Variants in KCNB2 observed in about 807,000 individuals in gnomAD.
The protein encoded by KCNB2 is delayed rectifier potassium channel protein.
Under a neutral mutation model 61.5 loss-of-function variants are expected in KCNB2, and 15 were observed. The ratio of observed to expected loss-of-function variants is 0.24; its 90% CI spans 0.16 to 0.38. KCNB2 has a LOEUF of 0.38. KCNB2 is among the 10% of genes least tolerant of loss of function. The pLI is 1.00. For missense variants in KCNB2, 828 were observed against 1,125.2 expected, an observed-to-expected ratio of 0.74 and a Z score of 3.78; for synonymous variants, 457 against 446.0, an observed-to-expected ratio of 1.02 and a Z score of -0.31.
intron 2 of KCNB2, among the ~76,000 whole-genome samples, chr8:72,592,953 G>A (rs763952222): frequency 1.8e-4 from 27 of 152,272 alleles, no homozygotes; most frequent in Non-Finnish European, 3.4e-4. Flanking sequence ...GCATTTATAA[G>A]AGAATCTAAG....
At chr8:72,927,486 G>A (rs1282870460) in intron 2 of KCNB2, among the ~76,000 whole-genome samples, 2 of 152,110 alleles carry the variant, frequency 1.3e-5, no homozygotes, top group Non-Finnish European at 2.9e-5. Context: ...GGTCAGGCTG[G>A]TCTTGAACTC....
At chr8:72,817,070 A>G (rs1809412299) in intron 2 of KCNB2, among the ~76,000 whole-genome samples, 1 of 152,202 alleles carries the variant, frequency 6.6e-6, no homozygotes, top group African/African-American at 2.4e-5. Flanking sequence ...AGGTACTGGA[A>G]AAGAAAACAG....
chr8:72,829,829 A>G (rs1475556772), intron 2 of KCNB2, among the ~76,000 whole-genome samples: 1 of 152,088 alleles, frequency 6.6e-6, no homozygotes. Flanking sequence ...AAAATGTCTT[A>G]CTGATTCTTT....
intron 2 of KCNB2, among the ~76,000 whole-genome samples, chr8:72,831,581 A>G (rs755474346): frequency 2.0e-5 from 3 of 152,238 alleles, no homozygotes; most frequent in South Asian, 2.1e-4. Context: ...ATGCATATTT[A>G]TGAGGCCTTT....
chr8:72,690,909 T>C (rs1172879389), intron 2 of KCNB2, among the ~76,000 whole-genome samples: 1 of 152,148 alleles, frequency 6.6e-6, no homozygotes, highest in Non-Finnish European at 1.5e-5. Context: ...TGGCTCCATG[T>C]TCCTGAAAGT....
chr8:72,847,875 A>G (rs999711091), intron 2 of KCNB2, among the ~76,000 whole-genome samples: 1 of 152,150 alleles, frequency 6.6e-6, no homozygotes, highest in African/African-American at 2.4e-5. Context: ...TCCCCAACTC[A>G]TTATAAATAG....
At chr8:72,894,835 ATCTGGACATT>A (rs1378702632) in intron 2 of KCNB2, among the ~76,000 whole-genome samples, 1 of 152,220 alleles carries the variant, frequency 6.6e-6, no homozygotes, top group Non-Finnish European at 1.5e-5. Flanking sequence ...ATTTTAGACC[ATCTGGACATT>A]CAGTGAGAAC....
chr8:72,772,888 T>A (rs1808583933), intron 2 of KCNB2, among the ~76,000 whole-genome samples: 1 of 152,176 alleles, frequency 6.6e-6, no homozygotes, highest in African/African-American at 2.4e-5. Context: ...AATACTGGTT[T>A]CCAGTCAATG....
At chr8:72,885,246 C>G (rs1403265397) in intron 2 of KCNB2, among the ~76,000 whole-genome samples, 1 of 152,050 alleles carries the variant, frequency 6.6e-6, no homozygotes, top group Non-Finnish European at 1.5e-5. Flanking sequence ...TTGGGAATAT[C>G]TCATTATATT....
intron 2 of KCNB2, among the ~76,000 whole-genome samples, chr8:72,599,490 A>C (rs1807255013): frequency 2.0e-5 from 3 of 152,224 alleles, no homozygotes; most frequent in African/African-American, 7.2e-5. Context: ...TAAAACCATA[A>C]AAACCCTAGA....
chr8:72,812,193 G>A (rs954621194), intron 2 of KCNB2, among the ~76,000 whole-genome samples: 3 of 151,998 alleles, frequency 2.0e-5, no homozygotes, highest in Non-Finnish European at 4.4e-5. Context: ...ACCGGGACCT[G>A]GGAGGCGGAG....
chr8:72,688,169 C>G (rs975836537), intron 2 of KCNB2, among the ~76,000 whole-genome samples: 1 of 152,194 alleles, frequency 6.6e-6, no homozygotes, highest in South Asian at 2.1e-4. Flanking sequence ...TGAAAATGAT[C>G]TTTGTAAAAT....
chr8:72,687,180 T>C (rs1806866600), intron 2 of KCNB2, among the ~76,000 whole-genome samples: 1 of 152,350 alleles, frequency 6.6e-6, no homozygotes, highest in East Asian at 1.9e-4. Flanking sequence ...TAGCAACATA[T>C]TGGAATATCT....
intron 2 of KCNB2, among the ~76,000 whole-genome samples, chr8:72,588,408 G>A (rs1222307471): frequency 6.6e-6 from 1 of 151,730 alleles, no homozygotes; most frequent in Non-Finnish European, 1.5e-5. Context: ...GTAGAGACGG[G>A]GTTTTTCCAT....
intron 2 of KCNB2, among the ~76,000 whole-genome samples, chr8:72,868,893 C>T (rs774280736): frequency 6.7e-6 from 1 of 150,330 alleles, no homozygotes; most frequent in African/African-American, 2.5e-5. Flanking sequence ...AATATCACCA[C>T]CACCCATCAC....
At chr8:72,561,738 T>C (rs1274496596) in intron 1 of KCNB2, among the ~76,000 whole-genome samples, 7 of 26,686 alleles carry the variant, frequency 2.6e-4, no homozygotes, top group African/African-American at 2.3e-3. Context: ...TCTATATCTA[T>C]ATATATATGT....
At chr8:72,689,199 GACTA>G (rs1341480718) in intron 2 of KCNB2, among the ~76,000 whole-genome samples, 3 of 152,162 alleles carry the variant, frequency 2.0e-5, no homozygotes, top group East Asian at 3.9e-4. Flanking sequence ...AATATGGATT[GACTA>G]ACTGTTATGT....
intron 2 of KCNB2, among the ~76,000 whole-genome samples, chr8:72,652,847 G>C (rs1007079530): frequency 3.3e-5 from 5 of 152,134 alleles, no homozygotes; most frequent in Admixed American, 3.3e-4. Context: ...CACAAACTGA[G>C]TGGCTCAAAA....
rs1024181612 is a variant in KCNB2 at position 72,792,883 on chromosome 8, A to G, written c.580-143052A>G. ...ATCAATAGCACTTATCAATAAAACCATAGGTCCCGGAATTCTTTTTATCCT... is the reference window on the plus strand; with the variant it reads ...ATCAATAGCACTTATCAATAAAACCGTAGGTCCCGGAATTCTTTTTATCCT... On this transcript the variant is annotated intron_variant, in intron 2 of 2. Coordinates refer to ENST00000523207, the MANE Select transcript of KCNB2 (RefSeq NM_004770.3). Among the ~76,000 whole-genome samples the G allele has an allele frequency of 8.5e-5, 13 of 152,336 alleles. No individual in the cohort carries two copies. The East Asian group carries it at 1.2e-3, about 14-fold the overall frequency.
Sources: gnomAD v4.1 joint callset for allele counts (sites outside exome capture counted in the v4.1 genomes callset) on GRCh38, gnomAD v4.1.1 for gene constraint, MANE v1.5 for transcripts, NCBI Gene and HGNC (gene_info 2026-07-23, HGNC 2026-07-21) for gene names.